The following CUX1 variants were observed in gnomAD, a reference collection of about 807,000 sequenced individuals.
CUX1 encodes the protein protein CASP.
Under a neutral mutation model 158.8 loss-of-function variants are expected in CUX1, and 31 were observed. The observed-to-expected ratio is 0.20, with a 90% CI of 0.15 to 0.26. The LOEUF (loss-of-function observed/expected upper bound fraction) is 0.26, where lower values mean the gene tolerates loss of function less well. CUX1 is among the 10% of genes least tolerant of loss of function. The pLI is 1.00. For missense variants in CUX1, 1,589 were observed against 2,014.6 expected, an observed-to-expected ratio of 0.79 and a Z score of 4.04; for synonymous variants, 879 against 862.1, an observed-to-expected ratio of 1.02 and a Z score of -0.34.
intron 21 of CUX1, among the ~76,000 whole-genome samples, chr7:102,282,228 C>G (rs113124652): frequency 2.0e-5 from 3 of 152,290 alleles, no homozygotes; most frequent in Admixed American, 2.0e-4. Flanking sequence ...GGGAGCAGGT[C>G]TAATGAACTC....
intron 3 of CUX1, among the ~76,000 whole-genome samples, chr7:102,039,012 G>GTTAACAT (rs1471986040): frequency 1.3e-5 from 2 of 152,106 alleles, no homozygotes; most frequent in African/African-American, 4.8e-5. Flanking sequence ...TTTGAAAATA[G>GTTAACAT]TTAACATATG....
chr7:101,931,159 T>G (rs1288778974), intron 2 of CUX1, among the ~76,000 whole-genome samples: 1 of 152,186 alleles, frequency 6.6e-6, no homozygotes, highest in Non-Finnish European at 1.5e-5. Context: ...TAGGTGTCCT[T>G]ATTCCTATTG....
Position 102,257,666 on chromosome 7 carries a change from G to T in CUX1, c.*8624G>T. On this transcript the variant is annotated 3_prime_UTR_variant, in exon 24 of 24. Coordinates refer to ENST00000292535, the MANE Select transcript of CUX1 (RefSeq NM_181552.4). ...TAACAGCACAAGACGCACTCACAGG[G>T]TGGCGGAATCTTCCGGAAAACTCTC... 1.0e-6 allele frequency: 1 copy of T among 985,340 alleles called. No homozygotes were observed. The highest frequency in any genetic ancestry group is 1.2e-6 in the Non-Finnish European group (1 of 829,942). 61.0% of individuals were successfully genotyped at this position (985,340 alleles called of 1,614,324 possible). A position where few individuals can be genotyped will look rare whatever the true frequency, so the allele number is the denominator to read the frequency against.
chr7:102,160,571 G>T (rs78192172), intron 9 of CUX1, among the ~76,000 whole-genome samples: 9,734 of 152,156 alleles, frequency 0.064, 427 homozygotes, highest in African/African-American at 0.11. Flanking sequence ...TCCTAACTCG[G>T]TATTTCCTGT....
chr7:102,242,012 C>A (rs554616185), intron 23 of CUX1, among the ~76,000 whole-genome samples: 26 of 152,220 alleles, frequency 1.7e-4, no homozygotes, highest in Admixed American at 1.2e-3. Flanking sequence ...TTTCTTCATT[C>A]CAAATTTAGC....
chr7:102,273,745 C>A (rs1554546916), intron 15 of CUX1, among the ~76,000 whole-genome samples: 1 of 152,252 alleles, frequency 6.6e-6, no homozygotes, highest in Non-Finnish European at 1.5e-5. Context: ...TCTTTCCAGG[C>A]ACTGCCCTGA....
chr7:102,054,378 A>G (rs1228950032), intron 3 of CUX1, among the ~76,000 whole-genome samples: 1 of 152,184 alleles, frequency 6.6e-6, no homozygotes, highest in African/African-American at 2.4e-5. Flanking sequence ...TTGCATGTGG[A>G]TATCTGGTCG....
chr7:102,179,508 G>A (rs1792792000), intron 11 of CUX1, among the ~76,000 whole-genome samples: 1 of 152,200 alleles, frequency 6.6e-6, no homozygotes, highest in Non-Finnish European at 1.5e-5. Context: ...TCTTGTCCAA[G>A]CACCTTTTCC....
chr7:101,929,157 CAG>C (rs1226401398), intron 2 of CUX1, among the ~76,000 whole-genome samples: 5 of 151,942 alleles, frequency 3.3e-5, no homozygotes, highest in African/African-American at 1.2e-4. Flanking sequence ...GCCTAGGCTA[CAG>C]AGTGAGACTC....
chr7:102,131,441 G>T (rs1833220828), intron 8 of CUX1, among the ~76,000 whole-genome samples: 1 of 151,262 alleles, frequency 6.6e-6, no homozygotes, highest in South Asian at 2.1e-4. Flanking sequence ...GTCGTTTGAG[G>T]CCAGGAATTC....
At chr7:102,262,850 G>T (rs1790507486), downstream of CUX1, among the ~76,000 whole-genome samples, 2 of 152,158 alleles carry the variant, frequency 1.3e-5, no homozygotes, top group African/African-American at 4.8e-5. Flanking sequence ...CTGACCGTGG[G>T]CCGCTGCCTT....
chr7:102,227,715 T>TGCAGGAGGA, intron 21 of CUX1, 46 bp downstream of exon 21: 11 of 1,572,414 alleles, frequency 7.0e-6, no homozygotes, highest in Non-Finnish European at 9.5e-6. Flanking sequence ...GCAGGGAGTT[T>TGCAGGAGGA]GCAGGAGGAG....
At chr7:102,281,535 C>T (rs1201617955) in intron 20 of CUX1, among the ~76,000 whole-genome samples, 1 of 152,046 alleles carries the variant, frequency 6.6e-6, no homozygotes, top group Non-Finnish European at 1.5e-5. Context: ...TGGTGACGCA[C>T]ACCTGTAATC....
intron 2 of CUX1, among the ~76,000 whole-genome samples, chr7:102,022,805 G>T (rs749311627): frequency 2.0e-5 from 3 of 152,240 alleles, no homozygotes; most frequent in East Asian, 1.9e-4. Flanking sequence ...TAAGATGTTT[G>T]TTGCTTTTTG....
At chr7:102,048,977 T>G (rs554939230) in intron 3 of CUX1, among the ~76,000 whole-genome samples, 1 of 152,270 alleles carries the variant, frequency 6.6e-6, no homozygotes, top group African/African-American at 2.4e-5. Context: ...AAGTATAAAC[T>G]TCCTGAGCCT....
chr7:101,950,333 T>C (rs965622116), intron 2 of CUX1, among the ~76,000 whole-genome samples: 2 of 152,154 alleles, frequency 1.3e-5, no homozygotes, highest in African/African-American at 4.8e-5. Flanking sequence ...TTTTATGATA[T>C]AAGAAAATTA....
intron 3 of CUX1, among the ~76,000 whole-genome samples, chr7:102,030,691 G>GTTCTTTTTTT (rs1554459484): frequency 8.4e-6 from 1 of 119,386 alleles, no homozygotes; most frequent in Non-Finnish European, 1.7e-5. Context: ...TTTAAAAAGT[G>GTTCTTTTTTT]TTTTTTTTTT....
intron 11 of CUX1, among the ~76,000 whole-genome samples, chr7:102,179,911 T>C (rs1554513436): frequency 1.3e-5 from 2 of 152,238 alleles, no homozygotes. Context: ...GTAAAGTATA[T>C]TCATTGTATG....
intron 4 of CUX1, among the ~76,000 whole-genome samples, chr7:102,084,858 C>CTTTT (rs60908109): frequency 0.012 from 646 of 55,872 alleles, 3 homozygotes; most frequent in Middle Eastern, 0.05. Context: ...ATTTTCCTTG[C>CTTTT]TTTTTTTTTT....
Sources: allele counts gnomAD v4.1 joint callset (sites outside exome capture counted in the v4.1 genomes callset), GRCh38; gene constraint gnomAD v4.1.1; transcripts MANE v1.5; gene names NCBI Gene and HGNC (gene_info 2026-07-23, HGNC 2026-07-21).